Variants in ARHGAP32 observed in about 807,000 individuals in gnomAD.
The protein encoded by ARHGAP32 is Rho GTPase activating protein 32.
Under a neutral mutation model 186.5 loss-of-function variants are expected in ARHGAP32, and 51 were observed. The observed-to-expected ratio is 0.27, with a 90% CI of 0.22 to 0.35. The LOEUF (loss-of-function observed/expected upper bound fraction) is 0.35, where lower values mean the gene tolerates loss of function less well. ARHGAP32 is among the 10% of genes least tolerant of loss of function. ARHGAP32 has a pLI of 1.00. For missense variants in ARHGAP32, 2,186 were observed against 2,623.5 expected (o/e 0.83, Z 3.64); for synonymous variants, 950 against 964.3 (o/e 0.99, Z 0.27).
intron 15 of ARHGAP32, among the ~76,000 whole-genome samples, chr11:128,982,882 C>A (rs1392126434): frequency 9.6e-5 from 11 of 114,174 alleles, no homozygotes; most frequent in African/African-American, 3.9e-4. Context: ...CAGAGTGAGA[C>A]CTTGTCTTTA....
intron 6 of ARHGAP32, among the ~76,000 whole-genome samples, chr11:129,088,932 A>G (rs1469985382): frequency 7.5e-6 from 1 of 133,078 alleles, no homozygotes; most frequent in Non-Finnish European, 1.5e-5. Flanking sequence ...TGGGAGGTCG[A>G]GGCTGTAGTG....
intron 1 of ARHGAP32, among the ~76,000 whole-genome samples, chr11:129,246,952 T>C (rs1211727297): frequency 1.3e-5 from 2 of 151,878 alleles, no homozygotes; most frequent in African/African-American, 4.8e-5. Context: ...TGGTAGCTGA[T>C]TTCACCTTCA....
chr11:128,993,050 C>T (rs916914522), intron 12 of ARHGAP32, among the ~76,000 whole-genome samples: 2 of 152,170 alleles, frequency 1.3e-5, no homozygotes, highest in African/African-American at 4.8e-5. Context: ...CCTTGTCAGG[C>T]TCCTATGTGA....
At chr11:129,151,711 A>G (rs977406494) in intron 2 of ARHGAP32, among the ~76,000 whole-genome samples, 24 of 152,208 alleles carry the variant, frequency 1.6e-4, no homozygotes, top group African/African-American at 5.5e-4. Context: ...TCTGGTATAC[A>G]GCAAAAACGG....
chr11:129,235,086 A>G (rs192906946), intron 1 of ARHGAP32, among the ~76,000 whole-genome samples: 2 of 152,336 alleles, frequency 1.3e-5, no homozygotes, highest in African/African-American at 4.8e-5. Context: ...AATTATCCTT[A>G]TAAGAGACAG....
At chr11:129,202,702 C>G (rs1369151034) in intron 1 of ARHGAP32, among the ~76,000 whole-genome samples, 2 of 152,126 alleles carry the variant, frequency 1.3e-5, no homozygotes, top group East Asian at 1.9e-4. Flanking sequence ...ATTTAAACCA[C>G]ATTAATAAAA....
intron 11 of ARHGAP32, among the ~76,000 whole-genome samples, chr11:129,022,172 C>T (rs1938622470): frequency 6.6e-6 from 1 of 152,004 alleles, no homozygotes; most frequent in African/African-American, 2.4e-5. Context: ...AACAGGACTA[C>T]CAAAATATAC....
intron 5 of ARHGAP32, among the ~76,000 whole-genome samples, chr11:129,115,174 A>G (rs1036533435): frequency 8.5e-5 from 13 of 152,136 alleles, no homozygotes; most frequent in Non-Finnish European, 1.9e-4. Context: ...GTTGTATAAT[A>G]TTATGTGGTC....
intron 11 of ARHGAP32, among the ~76,000 whole-genome samples, chr11:129,019,531 G>A (rs1938504641): frequency 6.6e-6 from 1 of 152,068 alleles, no homozygotes; most frequent in Admixed American, 6.5e-5. Context: ...CACATTCTGT[G>A]TAATAACTTA....
rs747717214 is a variant in ARHGAP32 at position 128,980,697 on chromosome 11, A to T, written c.1832T>A (p.Leu611Gln). Residue 611 changes from leucine (L) to glutamine (Q), a missense_variant, in exon 18 of 23, where the codon CTG (leucine) becomes CAG (glutamine). Leu to Gln is a moderately radical substitution (Grantham distance 113, BLOSUM62 -2). This residue lies in a region of ARHGAP32 where 263 missense variants were observed against 323.5 expected (regional missense o/e 0.81). Transcript: ENST00000682385. Reference sequence around the variant, plus strand: ...TGCCTGGGCCTCTTCCAATGTCAGCAGTTTGGTGGATGGAGAGGATACCAG... The same window carrying T: ...TGCCTGGGCCTCTTCCAATGTCAGCTGTTTGGTGGATGGAGAGGATACCAG... ...SLLVSSPSTK[L>Q]LTLEEAQART... 2.5e-6 allele frequency: 4 copies of T among 1,614,066 alleles called. No individual in the cohort carries two copies. Among genetic ancestry groups the T allele is most frequent in the Non-Finnish European group, 3.4e-6 (4 of 1,179,942 alleles).
intron 6 of ARHGAP32, among the ~76,000 whole-genome samples, chr11:129,076,418 G>C (rs2135199891): frequency 6.6e-6 from 1 of 152,208 alleles, no homozygotes; most frequent in South Asian, 2.1e-4. Context: ...TTGGGGTCTG[G>C]ATCAGGACCT....
intron 1 of ARHGAP32, among the ~76,000 whole-genome samples, chr11:129,252,868 A>T (rs1591720882): frequency 6.6e-6 from 1 of 152,216 alleles, no homozygotes; most frequent in African/African-American, 2.4e-5. Flanking sequence ...TCTGGACTAA[A>T]CATTAAACTC....
intron 5 of ARHGAP32, among the ~76,000 whole-genome samples, chr11:129,094,043 A>G (rs945248404): frequency 1.3e-5 from 2 of 152,174 alleles, no homozygotes; most frequent in African/African-American, 4.8e-5. Context: ...CTGGCTGCAG[A>G]TAACAGGTTG....
rs757540910 is a variant in ARHGAP32 at position 129,041,042 on chromosome 11, C to A, written c.964-33G>T. The A allele has an allele frequency of 2.0e-6, 3 of 1,477,790 alleles. No homozygotes were observed. The South Asian group carries it at 3.6e-5, about 18-fold the overall frequency. 91.5% of individuals were successfully genotyped at this position (1,477,790 alleles called of 1,614,324 possible). A position where few individuals can be genotyped will look rare whatever the true frequency, so the allele number is the denominator to read the frequency against. On this transcript the variant is annotated intron_variant, in intron 10 of 22. Coordinates refer to ENST00000682385, the MANE Select transcript of ARHGAP32 (RefSeq NM_001378024.1). ...AAAGCAACAAAGAAAGGATTCTAAA[C>A]CAGCAAACAGACCAATTATGTGAAC...
chr11:129,177,007 T>C (rs1025061019), intron 1 of ARHGAP32, among the ~76,000 whole-genome samples: 3 of 149,866 alleles, frequency 2.0e-5, no homozygotes, highest in African/African-American at 7.4e-5. Flanking sequence ...AGCTGGTTTT[T>C]TGAAAGGATC....
At chr11:129,144,052 C>T (rs1465471147) in intron 2 of ARHGAP32, among the ~76,000 whole-genome samples, 1 of 152,080 alleles carries the variant, frequency 6.6e-6, no homozygotes, top group Non-Finnish European at 1.5e-5. Context: ...AACAATGTTA[C>T]TAAAGTGATT....
At chr11:129,004,754 G>C (rs1476796250) in intron 11 of ARHGAP32, among the ~76,000 whole-genome samples, 2 of 151,952 alleles carry the variant, frequency 1.3e-5, no homozygotes, top group Admixed American at 1.3e-4. Flanking sequence ...CAGTCTCTGT[G>C]TATCTTTATA....
chr11:129,254,202 G>T (rs1945225579), intron 1 of ARHGAP32, among the ~76,000 whole-genome samples: 1 of 151,996 alleles, frequency 6.6e-6, no homozygotes, highest in Non-Finnish European at 1.5e-5. Flanking sequence ...TGTGCACATA[G>T]ATCTGTGATC....
chr11:129,033,398 T>C (rs1206432935), intron 11 of ARHGAP32, among the ~76,000 whole-genome samples: 2 of 152,356 alleles, frequency 1.3e-5, no homozygotes, highest in East Asian at 3.9e-4. Flanking sequence ...TTAATGTATA[T>C]TCTTGCCAAC....
Sources: allele counts gnomAD v4.1 joint callset (sites outside exome capture counted in the v4.1 genomes callset), GRCh38; gene constraint gnomAD v4.1.1; regional missense constraint gnomAD v4.1.1; transcripts MANE v1.5; gene names NCBI Gene and HGNC (gene_info 2026-07-23, HGNC 2026-07-21).